Variants in FTO observed in about 807,000 individuals in gnomAD.
The protein encoded by FTO is alpha-ketoglutarate-dependent dioxygenase FTO.
A neutral mutation model predicts 63.9 loss-of-function variants in FTO; 47 were observed. The ratio of observed to expected loss-of-function variants is 0.74; its 90% CI spans 0.58 to 0.94. FTO has a LOEUF of 0.94. Among genes scored for constraint, FTO ranks in the 40% least tolerant of loss-of-function variants. The pLI, the probability that FTO is intolerant of heterozygous loss-of-function variation, is 0.00. For missense variants in FTO, 562 were observed against 618.1 expected, an observed-to-expected ratio of 0.91 and a Z score of 0.96; for synonymous variants, 207 against 224.4, an observed-to-expected ratio of 0.92 and a Z score of 0.69.
intron 1 of FTO, among the ~76,000 whole-genome samples, chr16:53,773,590 C>T (rs2077393318): frequency 6.6e-6 from 1 of 152,124 alleles, no homozygotes; most frequent in Admixed American, 6.6e-5. Flanking sequence ...CAACACCTCA[C>T]ATCTTCACTG....
chr16:54,055,637 A>G (rs1187851689), intron 8 of FTO, among the ~76,000 whole-genome samples: 1 of 152,240 alleles, frequency 6.6e-6, no homozygotes, highest in Non-Finnish European at 1.5e-5. Flanking sequence ...GTTCCAACTC[A>G]ATAAAAATTC....
At chr16:53,996,287 A>G (rs1567504631) in intron 8 of FTO, among the ~76,000 whole-genome samples, 1 of 152,182 alleles carries the variant, frequency 6.6e-6, no homozygotes, top group Non-Finnish European at 1.5e-5. Context: ...AAGGAAAAAT[A>G]AAAGTGGAGA....
At chr16:54,109,870 T>C (rs1215188907) in intron 8 of FTO, among the ~76,000 whole-genome samples, 3 of 152,332 alleles carry the variant, frequency 2.0e-5, no homozygotes, top group African/African-American at 4.8e-5. Flanking sequence ...TCGACACTTA[T>C]CATAGCCCTT....
At chr16:53,750,153 A>G (rs2076751300) in intron 1 of FTO, among the ~76,000 whole-genome samples, 1 of 152,196 alleles carries the variant, frequency 6.6e-6, no homozygotes, top group African/African-American at 2.4e-5. Context: ...TAAGATTATG[A>G]ACCTGTAATT....
intron 8 of FTO, among the ~76,000 whole-genome samples, chr16:54,048,942 C>T (rs916449201): frequency 6.6e-6 from 1 of 152,180 alleles, no homozygotes; most frequent in Non-Finnish European, 1.5e-5. Context: ...TGACAAACTA[C>T]ACGGTTGAAG....
intron 8 of FTO, among the ~76,000 whole-genome samples, chr16:54,084,422 T>C (rs899550082): frequency 9.9e-5 from 15 of 152,106 alleles, no homozygotes; most frequent in African/African-American, 3.4e-4. Flanking sequence ...AAGGAGCAGT[T>C]TGGGGGAGAC....
At chr16:54,025,237 A>G (rs1252324635) in intron 8 of FTO, among the ~76,000 whole-genome samples, 1 of 152,238 alleles carries the variant, frequency 6.6e-6, no homozygotes, top group Non-Finnish European at 1.5e-5. Flanking sequence ...GAGCACTGTT[A>G]ATACTAGAAG....
At chr16:53,781,755 G>T (rs1481062367) in intron 1 of FTO, among the ~76,000 whole-genome samples, 1 of 152,152 alleles carries the variant, frequency 6.6e-6, no homozygotes, top group African/African-American at 2.4e-5. Flanking sequence ...ATGGTGCTTG[G>T]TCTGTGGGGG....
chr16:53,840,649 A>G (rs553483907), intron 3 of FTO, among the ~76,000 whole-genome samples: 11 of 152,250 alleles, frequency 7.2e-5, no homozygotes, highest in African/African-American at 2.6e-4. Context: ...GTTAAACTTT[A>G]TTTTGCAAAA....
chr16:53,904,491 A>G (rs947209725), intron 7 of FTO, among the ~76,000 whole-genome samples: 4 of 152,330 alleles, frequency 2.6e-5, no homozygotes, highest in African/African-American at 4.8e-5. Flanking sequence ...CTCTTTCACC[A>G]TGGACTTGTG....
intron 8 of FTO, chr16:53,991,749 A>G (rs1177147126): frequency 2.0e-5 from 3 of 152,182 alleles, no homozygotes; most frequent in African/African-American, 7.2e-5. Flanking sequence ...CTCTCATTGA[A>G]TAACTCCAGT....
intron 8 of FTO, among the ~76,000 whole-genome samples, chr16:54,069,428 T>C (rs2085810227): frequency 6.6e-6 from 1 of 152,130 alleles, no homozygotes; most frequent in South Asian, 2.1e-4. Context: ...GAGTTTAGGT[T>C]TGCATATTTA....
intron 8 of FTO, chr16:54,072,006 G>A (rs1468381428): frequency 6.6e-6 from 1 of 152,158 alleles, no homozygotes; most frequent in African/African-American, 2.4e-5. Flanking sequence ...TTGAGTTGCT[G>A]TTTAGTAATT....
chr16:53,854,766 T>C (rs1418709816), intron 4 of FTO, among the ~76,000 whole-genome samples: 4 of 152,148 alleles, frequency 2.6e-5, no homozygotes, highest in African/African-American at 9.7e-5. Context: ...CTATTCAGGC[T>C]CTTTTTTGGT....
intron 3 of FTO, among the ~76,000 whole-genome samples, chr16:53,833,449 G>A (rs1175917084): frequency 1.3e-5 from 2 of 151,978 alleles, no homozygotes; most frequent in South Asian, 4.1e-4. Flanking sequence ...TTCATCCATC[G>A]GCTATTCATA....
At chr16:53,988,996 A>C (rs948357834) in intron 8 of FTO, among the ~76,000 whole-genome samples, 7 of 152,118 alleles carry the variant, frequency 4.6e-5, no homozygotes, top group African/African-American at 1.4e-4. Flanking sequence ...ATGAAAAGAA[A>C]TGAGGCATGG....
intron 8 of FTO, among the ~76,000 whole-genome samples, chr16:54,102,430 G>A (rs920368281): frequency 1.3e-5 from 2 of 152,266 alleles, no homozygotes; most frequent in Admixed American, 1.3e-4. Context: ...ATAACAATCA[G>A]CTGGGCATTG....
At position 53,892,622 on chromosome 16, in the gene FTO, G is replaced by A. The variant is rs184599481; in HGVS notation, c.1239+3671G>A. 3.4e-3 allele frequency among the ~76,000 whole-genome samples: 511 copies of A among 152,118 alleles called. 3 individuals are homozygous for A. Among genetic ancestry groups the A allele is most frequent in the African/African-American group, 0.011 (477 of 41,492 alleles). ...GAATTGTAAAATCGTGCGTGTTGTG[G>A]AAGGATTTCTTTAAATCAATGCATT... is the stretch of plus-strand genomic sequence containing the variant. On this transcript the variant is annotated intron_variant, in intron 7 of 8. Coordinates refer to ENST00000471389, the MANE Select transcript of FTO (RefSeq NM_001080432.3).
chr16:54,052,139 T>A (rs2085327091), intron 8 of FTO, among the ~76,000 whole-genome samples: 1 of 152,182 alleles, frequency 6.6e-6, no homozygotes. Context: ...GTTATGGGCA[T>A]GTAATATGTT....
Sources: allele counts gnomAD v4.1 joint callset (sites outside exome capture counted in the v4.1 genomes callset), GRCh38; gene constraint gnomAD v4.1.1; transcripts MANE v1.5; gene names NCBI Gene and HGNC (gene_info 2026-07-23, HGNC 2026-07-21).